The following EPHA3 variants were observed in gnomAD, a reference collection of about 807,000 sequenced individuals.
The protein encoded by EPHA3 is ephrin type-A receptor 3.
EPHA3 carries 42 observed loss-of-function variants against 107.1 expected under a neutral mutation model. That is an observed-to-expected ratio of 0.39 (90% CI 0.31 to 0.51). The LOEUF is 0.51. Among genes scored for constraint, EPHA3 ranks in the 20% least tolerant of loss-of-function variants. EPHA3 has a pLI of 0.78. For missense variants in EPHA3, 1,183 were observed against 1,211.2 expected (o/e 0.98, Z 0.35); for synonymous variants, 461 against 424.8 (o/e 1.09, Z -1.05).
At chr3:89,115,625 A>G (rs1707235232) in intron 1 of EPHA3, among the ~76,000 whole-genome samples, 1 of 152,184 alleles carries the variant, frequency 6.6e-6, no homozygotes, top group Non-Finnish European at 1.5e-5. Flanking sequence ...CACTGAGAAA[A>G]TAATTGCTCA....
At chr3:89,193,459 G>C (rs555964908) in intron 2 of EPHA3, among the ~76,000 whole-genome samples, 7 of 152,094 alleles carry the variant, frequency 4.6e-5, no homozygotes, top group African/African-American at 1.7e-4. Flanking sequence ...ATGTAGAAAG[G>C]ATTTGTTAAA....
rs538897578 is a variant in EPHA3, at chr3:89,436,186, A to G, written c.2346+4827A>G. Among the ~76,000 whole-genome samples, 3 of 152,106 alleles carry G rather than the reference A, an allele frequency of 2.0e-5. No homozygotes were observed. The South Asian group carries it at 6.2e-4, about 32-fold the overall frequency. ...AAAGAAAAAGAAAAAATACTATTAC[A>G]TTTTTGTGTATATATTGTCTGTTTG... On this transcript the variant is annotated intron_variant, in intron 13 of 16. Coordinates refer to ENST00000336596, the MANE Select transcript of EPHA3 (RefSeq NM_005233.6).
At chr3:89,267,312 T>A (rs188191612) in intron 3 of EPHA3, among the ~76,000 whole-genome samples, 160 of 152,250 alleles carry the variant, frequency 1.1e-3, no homozygotes, top group African/African-American at 3.7e-3. Flanking sequence ...TTAAAAAAGA[T>A]GTCTGTGTAC....
intron 3 of EPHA3, among the ~76,000 whole-genome samples, chr3:89,326,922 A>G (rs1005302106): frequency 2.6e-5 from 4 of 152,068 alleles, no homozygotes; most frequent in African/African-American, 7.2e-5. Flanking sequence ...ACTAAGATAT[A>G]TGTGTTTGGT....
chr3:89,223,043 C>A (rs539802163), intron 3 of EPHA3, among the ~76,000 whole-genome samples: 1 of 152,034 alleles, frequency 6.6e-6, no homozygotes, highest in Admixed American at 6.6e-5. Flanking sequence ...TTAAAGCAAC[C>A]CTTTCATTAA....
chr3:89,111,836 T>C (rs1197065775), intron 1 of EPHA3, among the ~76,000 whole-genome samples: 1 of 152,136 alleles, frequency 6.6e-6, no homozygotes, highest in Non-Finnish European at 1.5e-5. Flanking sequence ...TTTATTTTTA[T>C]GTTTCATAAT....
At chr3:89,226,496 T>C (rs1704506338) in intron 3 of EPHA3, among the ~76,000 whole-genome samples, 1 of 152,088 alleles carries the variant, frequency 6.6e-6, no homozygotes, top group Non-Finnish European at 1.5e-5. Flanking sequence ...AATACCAAAA[T>C]AAACAAAATA....
intron 3 of EPHA3, among the ~76,000 whole-genome samples, chr3:89,240,908 C>T (rs1559615091): frequency 1.3e-5 from 2 of 151,704 alleles, no homozygotes; most frequent in Non-Finnish European, 2.9e-5. Flanking sequence ...ATGTTAAATT[C>T]AGAGATGAAT....
chr3:89,261,965 T>A (rs893449551), intron 3 of EPHA3, among the ~76,000 whole-genome samples: 2 of 151,940 alleles, frequency 1.3e-5, no homozygotes, highest in African/African-American at 4.8e-5. Context: ...ATAGCATTAT[T>A]AGTAAAATAT....
At chr3:89,306,549 G>C (rs1706627319) in intron 3 of EPHA3, among the ~76,000 whole-genome samples, 1 of 152,088 alleles carries the variant, frequency 6.6e-6, no homozygotes, top group African/African-American at 2.4e-5. Context: ...TGAATAACAA[G>C]TTATAGTTGA....
intron 16 of EPHA3, among the ~76,000 whole-genome samples, chr3:89,476,726 G>A (rs1436482273): frequency 6.6e-6 from 1 of 151,580 alleles, no homozygotes; most frequent in Non-Finnish European, 1.5e-5. Context: ...TCCTGCCTCA[G>A]CCTCCGGAGT....
chr3:89,305,889 T>G (rs1327211438), intron 3 of EPHA3, among the ~76,000 whole-genome samples: 3 of 152,176 alleles, frequency 2.0e-5, no homozygotes, highest in African/African-American at 4.8e-5. Flanking sequence ...AGCTTAAATA[T>G]CATACCGAAG....
chr3:89,397,333 A>G (rs111560466), intron 6 of EPHA3, among the ~76,000 whole-genome samples: 1 of 152,182 alleles, frequency 6.6e-6, no homozygotes, highest in Non-Finnish European at 1.5e-5. Context: ...ATCTATTTTC[A>G]GAAGTGTGAC....
intron 2 of EPHA3, among the ~76,000 whole-genome samples, chr3:89,194,611 ACTT>A (rs1293685177): frequency 2.6e-5 from 4 of 152,044 alleles, no homozygotes; most frequent in Non-Finnish European, 5.9e-5. Flanking sequence ...ATCTGCTTTG[ACTT>A]CTTCTCTGCT....
In EPHA3 at chr3:89,211,811, T is replaced by C. The variant is rs1157770360; in HGVS notation, c.814+1291T>C. On this transcript the variant is annotated intron_variant, in intron 3 of 16. Transcript: ENST00000336596. ...TTCTTCTTCTTCTTCTTCTTCTTCT[T>C]CTTCTTCTCCTTCTCCTCCTCCTCC... is the stretch of plus-strand genomic sequence containing the variant. Among the ~76,000 whole-genome samples the C allele has an allele frequency of 3.2e-3, 314 of 98,036 alleles. 1 individual carries two copies. Among genetic ancestry groups the C allele is most frequent in the African/African-American group, 0.013 (245 of 19,222 alleles). 64.3% of individuals were successfully genotyped at this position (98,036 alleles called of 152,430 possible). A position where few individuals can be genotyped will look rare whatever the true frequency, so the allele number is the denominator to read the frequency against.
chr3:89,404,369 C>T (rs939714204), intron 7 of EPHA3, among the ~76,000 whole-genome samples: 1 of 152,106 alleles, frequency 6.6e-6, no homozygotes, highest in Non-Finnish European at 1.5e-5. Flanking sequence ...AGTACTAACT[C>T]ATTTAATTCT....
intron 2 of EPHA3, among the ~76,000 whole-genome samples, chr3:89,197,361 A>C (rs556340460): frequency 6.6e-6 from 1 of 152,234 alleles, no homozygotes; most frequent in South Asian, 2.1e-4. Context: ...TCCATTTTAA[A>C]CATGATATAC....
At chr3:89,194,956 C>CTG (rs1254179132) in intron 2 of EPHA3, among the ~76,000 whole-genome samples, 2 of 152,102 alleles carry the variant, frequency 1.3e-5, no homozygotes, top group African/African-American at 4.8e-5. Flanking sequence ...CCACTTCTCT[C>CTG]ATCAGCTCAT....
At chr3:89,275,435 G>A (rs796579215) in intron 3 of EPHA3, among the ~76,000 whole-genome samples, 33 of 152,150 alleles carry the variant, frequency 2.2e-4, no homozygotes, top group African/African-American at 7.7e-4. Flanking sequence ...CTGGGAAAAT[G>A]TGGATTCGTA....
Sources: gnomAD v4.1 joint callset for allele counts (sites outside exome capture counted in the v4.1 genomes callset) on GRCh38, gnomAD v4.1.1 for gene constraint, MANE v1.5 for transcripts, NCBI Gene and HGNC (gene_info 2026-07-23, HGNC 2026-07-21) for gene names.